Variants in DIAPH2 observed in about 807,000 individuals in gnomAD.
DIAPH2 encodes the protein diaphanous related formin 2, also known as protein diaphanous homolog 2.
A neutral mutation model predicts 92.7 loss-of-function variants in DIAPH2; 35 were observed. The observed-to-expected ratio is 0.38, with a 90% CI of 0.29 to 0.50. The LOEUF (loss-of-function observed/expected upper bound fraction) is 0.50, where lower values mean the gene tolerates loss of function less well. Among genes scored for constraint, DIAPH2 ranks in the 20% least tolerant of loss-of-function variants. The pLI is 0.94. For synonymous variants in DIAPH2, 301 were observed against 280.4 expected, an observed-to-expected ratio of 1.07 and a Z score of -0.73; for missense variants, 701 against 819.5, an observed-to-expected ratio of 0.86 and a Z score of 1.77.
chrX:96,965,646 T>C (rs2065889701), intron 17 of DIAPH2, among the ~76,000 whole-genome samples: 1 of 111,491 alleles, frequency 9.0e-6, no homozygotes, highest in African/African-American at 3.2e-5. Context: ...GTATTACTTA[T>C]CAATTTGGAT....
At chrX:97,157,469 C>T (rs2067332774) in intron 22 of DIAPH2, among the ~76,000 whole-genome samples, 1 of 110,912 alleles carries the variant, frequency 9.0e-6, no homozygotes, top group Non-Finnish European at 1.9e-5. Flanking sequence ...TCAATTCTTG[C>T]AAAATATAGT....
chrX:96,997,154 C>T (rs1452231783), intron 17 of DIAPH2, among the ~76,000 whole-genome samples: 2 of 111,683 alleles, frequency 1.8e-5, no homozygotes, highest in Non-Finnish European at 3.8e-5. Context: ...GGGATTATCT[C>T]TTTTATTTAT....
intron 24 of DIAPH2, among the ~76,000 whole-genome samples, chrX:97,369,596 A>G (rs2069423836): frequency 9.1e-6 from 1 of 109,933 alleles, no homozygotes. Context: ...ATATATATAT[A>G]TATTTCTCTA....
At chrX:96,784,570 T>C (rs1435645931) in intron 4 of DIAPH2, among the ~76,000 whole-genome samples, 2 of 112,091 alleles carry the variant, frequency 1.8e-5, no homozygotes, top group Non-Finnish European at 3.8e-5. Flanking sequence ...CTATCAGGGC[T>C]TTAAAAAAGT....
chrX:97,570,212 TAC>T (rs1201383294), intron 26 of DIAPH2, among the ~76,000 whole-genome samples: 2 of 96,144 alleles, frequency 2.1e-5, no homozygotes, highest in African/African-American at 7.5e-5. Context: ...TATGTATATA[TAC>T]ACACACACAC....
intron 21 of DIAPH2, among the ~76,000 whole-genome samples, chrX:97,126,302 T>G (rs2147391071): frequency 8.9e-6 from 1 of 112,139 alleles, no homozygotes; most frequent in South Asian, 3.7e-4. Context: ...AAATGAAGCC[T>G]TCCTAGTGAA....
chrX:96,823,880 T>A (rs1375841008), intron 4 of DIAPH2, among the ~76,000 whole-genome samples: 1 of 109,016 alleles, frequency 9.2e-6, no homozygotes, highest in Non-Finnish European at 1.9e-5. Context: ...AGCATTTCTT[T>A]TAGATATTCA....
intron 22 of DIAPH2, among the ~76,000 whole-genome samples, chrX:97,210,511 G>A (rs1044010706): frequency 3.8e-4 from 42 of 111,837 alleles, no homozygotes; most frequent in African/African-American, 1.3e-3. Flanking sequence ...ATCCAGCATT[G>A]TATTTTCCCT....
chrX:97,402,423 T>G (rs778030635), intron 25 of DIAPH2, among the ~76,000 whole-genome samples: 20 of 111,734 alleles, frequency 1.8e-4, no homozygotes, highest in Non-Finnish European at 3.0e-4. Context: ...ATAGTATTAG[T>G]ATACTTATTC....
Position 96,701,379 on chromosome X carries a change from G to A in DIAPH2, c.132+16189G>A, listed in dbSNP as rs893940213. On this transcript the variant is annotated intron_variant, in intron 1 of 26. Coordinates refer to ENST00000324765, the MANE Select transcript of DIAPH2 (RefSeq NM_006729.5). ...AAATTCTATAATAAATAGGTATGAGGAGAACGCTCTTGGGAATGCCGCATA... is the reference window on the plus strand; with the variant it reads ...AAATTCTATAATAAATAGGTATGAGAAGAACGCTCTTGGGAATGCCGCATA... 8.1e-5 allele frequency: 9 copies of A among 111,634 alleles called. No homozygotes were observed. In the East Asian group the frequency reaches 2.5e-3, roughly 31 times the overall value. 9.2% of individuals were successfully genotyped at this position (111,634 alleles called of 1,213,427 possible).
intron 23 of DIAPH2, among the ~76,000 whole-genome samples, chrX:97,285,939 T>C (rs2068538156): frequency 1.8e-5 from 2 of 110,025 alleles, no homozygotes; most frequent in South Asian, 7.6e-4. Context: ...GATTACCTTG[T>C]CCTACACCTA....
intron 23 of DIAPH2, among the ~76,000 whole-genome samples, chrX:97,251,385 GAC>G (rs1322404141): frequency 2.7e-5 from 3 of 109,963 alleles, no homozygotes; most frequent in African/African-American, 1.0e-4. Context: ...ATCTCTGTAT[GAC>G]AGTCTTCCCC....
chrX:97,359,947 A>G (rs2069308547), intron 24 of DIAPH2, among the ~76,000 whole-genome samples: 1 of 111,844 alleles, frequency 8.9e-6, no homozygotes, highest in Non-Finnish European at 1.9e-5. Flanking sequence ...TTCTGCAAAC[A>G]TACGGTTTTG....
intron 22 of DIAPH2, among the ~76,000 whole-genome samples, chrX:97,196,234 A>G (rs2067702982): frequency 9.0e-6 from 1 of 110,857 alleles, no homozygotes; most frequent in South Asian, 3.9e-4. Context: ...ACACACACAC[A>G]CACACACACA....
intron 23 of DIAPH2, among the ~76,000 whole-genome samples, chrX:97,305,824 C>CA (rs754094514): frequency 0.029 from 1,443 of 48,974 alleles, 34 homozygotes; most frequent in African/African-American, 0.082. Flanking sequence ...ACTCCTTCTC[C>CA]AAAAAAAAAA....
At chrX:96,955,679 C>T (rs1461234955) in intron 15 of DIAPH2, among the ~76,000 whole-genome samples, 1 of 112,195 alleles carries the variant, frequency 8.9e-6, no homozygotes, top group East Asian at 2.8e-4. Context: ...AACAAAGGGA[C>T]TGCAGGCCCC....
At chrX:97,571,039 A>G (rs1368795737) in intron 26 of DIAPH2, among the ~76,000 whole-genome samples, 1 of 111,719 alleles carries the variant, frequency 9.0e-6, no homozygotes, top group Non-Finnish European at 1.9e-5. Flanking sequence ...AATATAGTGC[A>G]CGTTCAAAAC....
At chrX:96,824,999 G>A (rs2064804047) in intron 4 of DIAPH2, among the ~76,000 whole-genome samples, 2 of 105,962 alleles carry the variant, frequency 1.9e-5, no homozygotes, top group Non-Finnish European at 3.9e-5. Context: ...AGGCTGGAGT[G>A]CATTGGCGTG....
At chrX:96,919,898 T>TATTTATTA (rs1246508829) in intron 9 of DIAPH2, among the ~76,000 whole-genome samples, 66 of 109,258 alleles carry the variant, frequency 6.0e-4, no homozygotes, top group African/African-American at 2.1e-3. Context: ...TTTATTTATT[T>TATTTATTA]ATTAAGATGG....
Sources: allele counts gnomAD v4.1 joint callset (sites outside exome capture counted in the v4.1 genomes callset), GRCh38; gene constraint gnomAD v4.1.1; transcripts MANE v1.5; gene names NCBI Gene and HGNC (gene_info 2026-07-23, HGNC 2026-07-21).